MAF: variants seen among roughly 807,000 people sequenced by gnomAD.
The protein encoded by MAF is MAF bZIP transcription factor.
Under a neutral mutation model 22.0 loss-of-function variants are expected in MAF, and 10 were observed. The ratio of observed to expected loss-of-function variants is 0.45; its 90% CI spans 0.28 to 0.77. The LOEUF (loss-of-function observed/expected upper bound fraction) is 0.77. MAF is among the 30% of genes least tolerant of loss of function. The pLI, the probability that MAF is intolerant of heterozygous loss-of-function variation, is 0.12. For missense variants in MAF, 544 were observed against 548.4 expected (o/e 0.99, Z 0.08); for synonymous variants, 337 against 255.8 (o/e 1.32, Z -3.03).
chr16:79,368,168 T>C, the MAF span, among the ~76,000 whole-genome samples: 1 of 152,200 alleles, frequency 6.6e-6, no homozygotes, highest in Non-Finnish European at 1.5e-5. Flanking sequence ...AGACTGGGAA[T>C]TATTTGGAGG....
chr16:79,434,059 T>A, the MAF span, among the ~76,000 whole-genome samples: 2 of 152,302 alleles, frequency 1.3e-5, no homozygotes, highest in Admixed American at 6.5e-5. Context: ...CCCCGTTGCA[T>A]AGGTGAAGAC....
At chr16:79,304,633 T>A in the MAF span, among the ~76,000 whole-genome samples, 2 of 152,276 alleles carry the variant, frequency 1.3e-5, no homozygotes, top group East Asian at 3.9e-4. Context: ...ATGAAGATTA[T>A]GAAAAATGGT....
the MAF span, among the ~76,000 whole-genome samples, chr16:79,562,644 A>G: frequency 2.0e-5 from 3 of 152,080 alleles, no homozygotes; most frequent in Non-Finnish European, 4.4e-5. Context: ...TAGACCTCGG[A>G]CTCCAGGCTG....
chr16:79,528,729 T>G, the MAF span, among the ~76,000 whole-genome samples: 1 of 151,994 alleles, frequency 6.6e-6, no homozygotes, highest in Admixed American at 6.6e-5. Flanking sequence ...TATTATTGAA[T>G]GCATTTGCTT....
chr16:79,237,220 C>G, the MAF span, among the ~76,000 whole-genome samples: 1 of 152,040 alleles, frequency 6.6e-6, no homozygotes. Flanking sequence ...CAGTTGGTGT[C>G]CATGCACCAA....
At chr16:79,589,871 C>A (rs1421455930), downstream of MAF, among the ~76,000 whole-genome samples, 12 of 152,194 alleles carry the variant, frequency 7.9e-5, no homozygotes, top group Non-Finnish European at 1.5e-4. Context: ...GGGCGCCGGG[C>A]GGCGTCGTGG....
At chr16:79,481,888 A>G in the MAF span, among the ~76,000 whole-genome samples, 1 of 152,214 alleles carries the variant, frequency 6.6e-6, no homozygotes, top group South Asian at 2.1e-4. Flanking sequence ...CTTCAACAGC[A>G]CATAAGAAAG....
chr16:79,353,183 G>A, the MAF span, among the ~76,000 whole-genome samples: 3 of 151,132 alleles, frequency 2.0e-5, no homozygotes, highest in East Asian at 1.9e-4. Context: ...GAGCAGCTGC[G>A]CAATCTCAGC....
At chr16:79,337,491 C>T in the MAF span, among the ~76,000 whole-genome samples, 1 of 152,104 alleles carries the variant, frequency 6.6e-6, no homozygotes. Flanking sequence ...TCGCTTGAAC[C>T]TGGGAGGCGG....
At chr16:79,242,194 A>G in the MAF span, among the ~76,000 whole-genome samples, 3 of 151,968 alleles carry the variant, frequency 2.0e-5, no homozygotes, top group East Asian at 5.8e-4. Context: ...TAACAGTATT[A>G]ACCTTAAATG....
chr16:79,265,366 T>G, the MAF span, among the ~76,000 whole-genome samples: 2 of 152,140 alleles, frequency 1.3e-5, no homozygotes, highest in Admixed American at 1.3e-4. Flanking sequence ...TCCCCAATAG[T>G]TGGTTGTGGC....
the MAF span, among the ~76,000 whole-genome samples, chr16:79,468,895 C>T: frequency 6.6e-6 from 1 of 152,134 alleles, no homozygotes; most frequent in South Asian, 2.1e-4. Flanking sequence ...TGTACTTAAT[C>T]CTCCTGCTTG....
chr16:79,356,199 C>CAT, the MAF span, among the ~76,000 whole-genome samples: 1 of 152,154 alleles, frequency 6.6e-6, no homozygotes, highest in Non-Finnish European at 1.5e-5. Context: ...CACACACACA[C>CAT]ATGCACTCAC....
At chr16:79,218,120 A>C in the MAF span, among the ~76,000 whole-genome samples, 4 of 151,612 alleles carry the variant, frequency 2.6e-5, no homozygotes, top group East Asian at 7.8e-4. Flanking sequence ...AAGTAATATC[A>C]CAAATTATTA....
At chr16:79,242,377 GAA>G in the MAF span, among the ~76,000 whole-genome samples, 1 of 128,026 alleles carries the variant, frequency 7.8e-6, no homozygotes, top group Admixed American at 7.8e-5. Flanking sequence ...AAAAAAAAAA[GAA>G]AAAAAAAAGC....
At chr16:79,369,711 G>C in the MAF span, among the ~76,000 whole-genome samples, 9 of 152,202 alleles carry the variant, frequency 5.9e-5, no homozygotes, top group Non-Finnish European at 1.2e-4. Flanking sequence ...AATGTGTAGG[G>C]CCAGAGGGCA....
At chr16:79,379,306 G>A in the MAF span, among the ~76,000 whole-genome samples, 1 of 152,206 alleles carries the variant, frequency 6.6e-6, no homozygotes, top group Non-Finnish European at 1.5e-5. Context: ...ATGCTGAAAT[G>A]GGAGCACTGG....
At chr16:79,311,716 G>C in the MAF span, among the ~76,000 whole-genome samples, 1 of 152,102 alleles carries the variant, frequency 6.6e-6, no homozygotes, top group Admixed American at 6.5e-5. Flanking sequence ...TTGGATGTTT[G>C]GTTTTTTCCC....
chr16:79,544,433 A>C, the MAF span, among the ~76,000 whole-genome samples: 3,555 of 152,216 alleles, frequency 0.023, 152 homozygotes, highest in African/African-American at 0.081. Context: ...GTGATTTCAA[A>C]ATTTTATTTC....
Sources: allele counts gnomAD v4.1 joint callset (sites outside exome capture counted in the v4.1 genomes callset), GRCh38; gene constraint gnomAD v4.1.1; transcripts MANE v1.5; gene names NCBI Gene and HGNC (gene_info 2026-07-23, HGNC 2026-07-21).